Variants in BRDT observed in about 807,000 individuals in gnomAD.
BRDT encodes the protein bromodomain testis associated.
A neutral mutation model predicts 113.9 loss-of-function variants in BRDT; 77 were observed. The ratio of observed to expected loss-of-function variants is 0.68; its 90% CI spans 0.56 to 0.82. BRDT has a LOEUF of 0.82. Among genes scored for constraint, BRDT ranks in the 40% least tolerant of loss-of-function variants. The pLI, the probability that BRDT is intolerant of heterozygous loss-of-function variation, is 0.00. For missense variants in BRDT, 1,027 were observed against 1,105.4 expected, an observed-to-expected ratio of 0.93 and a Z score of 1.01; for synonymous variants, 358 against 366.5, an observed-to-expected ratio of 0.98 and a Z score of 0.26.
chr1:92,005,611 T>C (rs1234340488), intron 18 of BRDT, among the ~76,000 whole-genome samples: 1 of 151,936 alleles, frequency 6.6e-6, no homozygotes, highest in East Asian at 1.9e-4. Context: ...ACCACTACAC[T>C]CCAGTGTGGG....
At chr1:91,958,733 T>C (rs1186074200) in intron 1 of BRDT, among the ~76,000 whole-genome samples, 1 of 152,080 alleles carries the variant, frequency 6.6e-6, no homozygotes, top group Admixed American at 6.6e-5. Flanking sequence ...AAGATACCAG[T>C]GGAAAGTAAT....
At chr1:91,956,543 A>G (rs539485665) in intron 1 of BRDT, among the ~76,000 whole-genome samples, 8 of 152,236 alleles carry the variant, frequency 5.3e-5, no homozygotes, top group Non-Finnish European at 1.2e-4. Flanking sequence ...TTTTAATTCT[A>G]TTAAGTTTTG....
chr1:91,962,576 C>T (rs1273931090), intron 1 of BRDT, 142 bp from the exon 2 acceptor site: 12 of 406,188 alleles, frequency 3.0e-5, no homozygotes, highest in Non-Finnish European at 5.2e-5. Flanking sequence ...TCAAGTGATC[C>T]ACCCGCCTTG....
chr1:92,006,891 G>A (rs1158784087), intron 18 of BRDT, among the ~76,000 whole-genome samples: 1 of 151,916 alleles, frequency 6.6e-6, no homozygotes. Context: ...GGGTTCAAGC[G>A]ATTCTCATGC....
At chr1:92,001,073 G>GT (rs903951744) in intron 15 of BRDT, among the ~76,000 whole-genome samples, 6 of 152,012 alleles carry the variant, frequency 3.9e-5, no homozygotes, top group African/African-American at 1.4e-4. Context: ...CCCTCTCTGT[G>GT]TTTTTTTGTC....
chr1:91,950,965 T>A (rs1379945761), intron 1 of BRDT, among the ~76,000 whole-genome samples: 1 of 150,706 alleles, frequency 6.6e-6, no homozygotes, highest in Non-Finnish European at 1.5e-5. Flanking sequence ...GAAGTGGATG[T>A]GGCAGTGAGC....
chr1:91,970,948 G>A (rs1322398213), intron 4 of BRDT, among the ~76,000 whole-genome samples: 1 of 151,060 alleles, frequency 6.6e-6, no homozygotes, highest in Non-Finnish European at 1.5e-5. Flanking sequence ...AAAGAAATAT[G>A]TGAGGCTGGG....
intron 12 of BRDT, among the ~76,000 whole-genome samples, chr1:91,990,010 G>C (rs143287493): frequency 4.4e-4 from 67 of 152,276 alleles, no homozygotes; most frequent in African/African-American, 1.6e-3. Flanking sequence ...TGGTGTCCTG[G>C]AGCATGAAAC....
chr1:91,978,048 A>G (rs1684321219), intron 6 of BRDT, 120 bp from the exon 7 acceptor site: 3 of 961,266 alleles, frequency 3.1e-6, no homozygotes, highest in Admixed American at 3.1e-5. Flanking sequence ...TCAAATCTGG[A>G]TGGTGGACAA....
At chr1:91,992,014 AAAAAG>A (rs869297533) in intron 13 of BRDT, among the ~76,000 whole-genome samples, 4 of 142,136 alleles carry the variant, frequency 2.8e-5, no homozygotes, top group Non-Finnish European at 6.4e-5. Flanking sequence ...AAAAAAAAAA[AAAAAG>A]AAAAGAAAAA....
Position 91,979,558 on chromosome 1 carries a change from T to G in BRDT, c.1099-11T>G. 6.3e-7 allele frequency: 1 copy of G among 1,599,928 alleles called. No homozygotes were observed. Among genetic ancestry groups the G allele is most frequent in the Non-Finnish European group, 8.5e-7 (1 of 1,176,780 alleles). The stretch of plus-strand genomic sequence containing the variant: ...TACAGAAAACCATAACAAACTAATT[T>G]TTCATTACAGGATGTTTTCGAAACG... On this transcript the variant is annotated splice_polypyrimidine_tract_variant and intron_variant, in intron 7 of 18. Transcript: ENST00000399546.
chr1:91,979,250 A>G (rs1684485842), intron 7 of BRDT, among the ~76,000 whole-genome samples: 1 of 151,278 alleles, frequency 6.6e-6, no homozygotes, highest in South Asian at 2.1e-4. Context: ...AGTAGCTGGG[A>G]TTACAGGCAT....
chr1:92,008,947 T>A (rs925370832), intron 18 of BRDT, among the ~76,000 whole-genome samples: 2 of 152,240 alleles, frequency 1.3e-5, no homozygotes, highest in African/African-American at 4.8e-5. Context: ...AACTAACATG[T>A]ATCACCTCAC....
chr1:92,004,378 T>A (rs1687106012), intron 16 of BRDT, 36 bp from the exon 17 acceptor site: 1 of 1,511,208 alleles, frequency 6.6e-7, no homozygotes, highest in Non-Finnish European at 8.9e-7. Context: ...TTGGTTAACA[T>A]CTGTAGACAT....
At chr1:91,992,902 T>TA (rs148344905) in intron 14 of BRDT, among the ~76,000 whole-genome samples, 10,196 of 152,206 alleles carry the variant, frequency 0.067, 411 homozygotes, top group African/African-American at 0.097. Context: ...ATTAGTGGAA[T>TA]AAAAAATTAT....
At chr1:91,967,625 C>T (rs1311829258) in intron 3 of BRDT, among the ~76,000 whole-genome samples, 4 of 152,222 alleles carry the variant, frequency 2.6e-5, no homozygotes, top group East Asian at 1.9e-4. Flanking sequence ...CTCAAACTCC[C>T]GACCTCAGGT....
At position 91,981,019 on chromosome 1, in the gene BRDT, G is replaced by T; in HGVS notation, c.1591G>T (p.Gly531Trp). The change falls in exon 10 of 19, where the codon GGG becomes TGG. Residue 531 changes from glycine (G) to tryptophan (W), a missense_variant. Physicochemically the swap from Gly to Trp is radical, Grantham distance 184 (BLOSUM62 -2). Coordinates refer to ENST00000399546, the MANE Select transcript of BRDT (RefSeq NM_207189.4). The stretch of plus-strand genomic sequence containing the variant: ...AAACAAACTCCCTGGAGATAAACTT[G>T]GGCGAGTAGTTCACATAATACAATC... ...NINKLPGDKL[G>W]RVVHIIQSRE... is the part of the protein sequence containing the mutation. 6.2e-7 allele frequency: 1 copy of T among 1,614,092 alleles called. No individual in the cohort carries two copies. The highest frequency in any genetic ancestry group is 8.5e-7 in the Non-Finnish European group (1 of 1,179,998).
chr1:91,962,088 T>C (rs947501817), intron 1 of BRDT, among the ~76,000 whole-genome samples: 4 of 119,750 alleles, frequency 3.3e-5, no homozygotes, highest in African/African-American at 1.3e-4. Flanking sequence ...GAGCTTGCAG[T>C]GAGCCGAGAT....
intron 1 of BRDT, chr1:91,950,684 C>CTTTTTTTTT (rs67133307): frequency 3.7e-5 from 3 of 80,412 alleles, no homozygotes; most frequent in Non-Finnish European, 6.5e-5. Flanking sequence ...TGGATAATTG[C>CTTTTTTTTT]TTTTTTTTTT....
Sources: allele counts gnomAD v4.1 joint callset (sites outside exome capture counted in the v4.1 genomes callset), GRCh38; gene constraint gnomAD v4.1.1; transcripts MANE v1.5; gene names NCBI Gene and HGNC (gene_info 2026-07-23, HGNC 2026-07-21).